Variants in TET3 observed in about 807,000 individuals in gnomAD.
TET3 encodes the protein methylcytosine dioxygenase TET3.
TET3 carries 19 observed loss-of-function variants against 141.4 expected under a neutral mutation model. That is an observed-to-expected ratio of 0.13 (90% CI 0.09 to 0.20). TET3 has a LOEUF of 0.20. TET3 is among the 10% of genes least tolerant of loss of function. The pLI is 1.00. For missense variants in TET3, 1,874 were observed against 2,356.9 expected (o/e 0.80, Z 4.24); for synonymous variants, 1,043 against 980.9 (o/e 1.06, Z -1.18).
chr2:73,992,593 C>T (rs1335629633), intron 2 of TET3, among the ~76,000 whole-genome samples: 3 of 152,102 alleles, frequency 2.0e-5, no homozygotes, highest in Non-Finnish European at 4.4e-5. Context: ...GGATTACAGG[C>T]GTGAGCCACT....
chr2:74,083,760 A>C (rs889555576), intron 6 of TET3, among the ~76,000 whole-genome samples: 2 of 152,142 alleles, frequency 1.3e-5, no homozygotes, highest in South Asian at 2.1e-4. Context: ...GCTTGTGTCT[A>C]ATGACATTGC....
At chr2:74,031,243 A>G (rs1686669768) in intron 3 of TET3, among the ~76,000 whole-genome samples, 1 of 151,946 alleles carries the variant, frequency 6.6e-6, no homozygotes, top group Non-Finnish European at 1.5e-5. Context: ...GAGGAAAAGG[A>G]GAATGGAGGA....
In TET3 at chr2:74,073,558, T is replaced by C. The variant is rs929023278; in HGVS notation, c.2504T>C (p.Val835Ala). 2.5e-6 allele frequency: 4 copies of C among 1,607,152 alleles called. No homozygotes were observed. The African/African-American group carries it at 4.0e-5, about 16-fold the overall frequency. The change falls in exon 5 of 12, where the codon GTG becomes GCG. Residue 835 changes from valine (V) to alanine (A), a missense_variant. Val to Ala is a moderately conservative substitution (Grantham distance 64, BLOSUM62 0). Around this residue, in one of 10 missense-constraint regions of TET3, gnomAD observed 83 missense variants for 107.0 expected, o/e 0.78. Transcript: ENST00000409262. ...FPTCDCVEQI[V>A]EKDEGPYYTH... ...CTCTGTGTTTCTGCAGAACAAATAG[T>C]GGAGAAAGATGAAGGTCCATATTAT...
At chr2:74,062,958 A>G (rs1048082128) in intron 4 of TET3, among the ~76,000 whole-genome samples, 19 of 141,476 alleles carry the variant, frequency 1.3e-4, no homozygotes, top group African/African-American at 4.6e-4. Context: ...ATCTCGTCTC[A>G]TTGCAACTTC....
chr2:74,070,153 G>GTAT (rs1042090140), intron 4 of TET3, among the ~76,000 whole-genome samples: 2 of 152,138 alleles, frequency 1.3e-5, no homozygotes, highest in Non-Finnish European at 2.9e-5. Context: ...AATCTTAACT[G>GTAT]TATTCTGCTG....
At chr2:74,073,095 G>C (rs749384746) in intron 4 of TET3, among the ~76,000 whole-genome samples, 1 of 152,198 alleles carries the variant, frequency 6.6e-6, no homozygotes, top group African/African-American at 2.4e-5. Flanking sequence ...TCTTCAGTTT[G>C]ATTGGGTATT....
chr2:74,021,529 A>G (rs1293015806), intron 3 of TET3, among the ~76,000 whole-genome samples: 1 of 152,214 alleles, frequency 6.6e-6, no homozygotes, highest in Admixed American at 6.5e-5. Context: ...GTCAGCCTGT[A>G]AGAACCTCAG....
At chr2:74,050,426 A>G (rs1687883322) in intron 4 of TET3, among the ~76,000 whole-genome samples, 2 of 151,936 alleles carry the variant, frequency 1.3e-5, no homozygotes, top group African/African-American at 4.8e-5. Flanking sequence ...GTAAAACCAT[A>G]CCTTGTAAAG....
At chr2:74,034,169 A>AG (rs1686901212) in intron 3 of TET3, among the ~76,000 whole-genome samples, 1 of 151,696 alleles carries the variant, frequency 6.6e-6, no homozygotes, top group African/African-American at 2.4e-5. Flanking sequence ...ATTAAAAAAA[A>AG]AAAACAACAA....
At chr2:74,127,773 G>C in the TET3 span, among the ~76,000 whole-genome samples, 4 of 151,992 alleles carry the variant, frequency 2.6e-5, no homozygotes, top group Non-Finnish European at 5.9e-5. Flanking sequence ...ACGGGAGAAG[G>C]GGTTGTGTGC....
Position 74,048,339 on chromosome 2 carries a change from A to G in TET3, c.2422A>G (p.Thr808Ala), listed in dbSNP as rs1687760523. The G allele has an allele frequency of 1.2e-6, 2 of 1,613,834 alleles. No individual in the cohort carries two copies. Among genetic ancestry groups the G allele is most frequent in the Non-Finnish European group, 1.7e-6 (2 of 1,179,852 alleles). Reference sequence around the variant, plus strand: ...GGAGTCACCTCTTAAGTACCTGGACACACCCACCAAGAGTCTGCTGGACAC... The same window carrying G: ...GGAGTCACCTCTTAAGTACCTGGACGCACCCACCAAGAGTCTGCTGGACAC... The part of the protein sequence containing the change: ...FLESPLKYLD[T>A]PTKSLLDTPA... The change falls in exon 4 of 12, where the codon ACA (threonine) becomes GCA (alanine). Residue 808 changes from threonine to alanine, a missense_variant. Thr to Ala is a moderately conservative substitution (Grantham distance 58). Transcript: ENST00000409262.
At position 74,047,635 on chromosome 2, in the gene TET3, G is replaced by T. The variant is rs780527851; in HGVS notation, c.1718G>T (p.Arg573Ile). 1 of 1,613,518 alleles carries T rather than the reference G, an allele frequency of 6.2e-7. No homozygotes were observed. Among genetic ancestry groups the T allele is most frequent in the South Asian group, 1.1e-5 (1 of 90,982 alleles). ...TCACCTGTCCCACGGCTTCCAGACA[G>T]ACCACCCAAGGAGAAGAAGAAGAAG... ...PSSPVPRLPD[R>I]PPKEKKKKLP... Residue 573 changes from arginine to isoleucine, a missense_variant, in exon 4 of 12, where the codon AGA becomes ATA. By Grantham distance (97) the Arg-to-Ile change is moderately conservative. Around this residue, in one of 10 missense-constraint regions of TET3, gnomAD observed 484 missense variants for 462.2 expected, o/e 1.05. Transcript: ENST00000409262.
At chr2:74,097,195 G>GCA (rs146612512) in intron 10 of TET3, among the ~76,000 whole-genome samples, 10,274 of 137,884 alleles carry the variant, frequency 0.075, 745 homozygotes, top group African/African-American at 0.2. Flanking sequence ...AGCCATACAT[G>GCA]CACACACACA....
intron 3 of TET3, among the ~76,000 whole-genome samples, chr2:74,019,636 A>G (rs1023623702): frequency 1.3e-5 from 2 of 152,186 alleles, no homozygotes; most frequent in Non-Finnish European, 2.9e-5. Flanking sequence ...CATCAGATTG[A>G]TGAGAGGGAC....
chr2:74,034,277 A>G (rs543103449), intron 3 of TET3, among the ~76,000 whole-genome samples: 4 of 151,264 alleles, frequency 2.6e-5, no homozygotes, highest in African/African-American at 9.7e-5. Context: ...CTTGAACCAT[A>G]CTTGACCCTA....
intron 5 of TET3, among the ~76,000 whole-genome samples, chr2:74,075,276 G>A (rs1035971560): frequency 3.3e-4 from 50 of 149,590 alleles, no homozygotes; most frequent in African/African-American, 1.0e-3. Context: ...TAGAGTTGTC[G>A]CAAATTTGGG....
chr2:74,038,840 G>GT (rs1286609793), intron 3 of TET3, among the ~76,000 whole-genome samples: 2 of 152,194 alleles, frequency 1.3e-5, no homozygotes, highest in East Asian at 1.9e-4. Flanking sequence ...GCTGTGCACG[G>GT]TAACTGTAGG....
At chr2:74,109,316 C>T (rs184598353), downstream of TET3, among the ~76,000 whole-genome samples, 849 of 152,286 alleles carry the variant, frequency 5.6e-3, 12 homozygotes, top group African/African-American at 0.019. Context: ...AATCCCACCA[C>T]GAGAGAACCG....
chr2:74,005,174 G>A (rs1471487192), intron 3 of TET3, among the ~76,000 whole-genome samples: 21 of 152,190 alleles, frequency 1.4e-4, no homozygotes, highest in Admixed American at 1.3e-3. Context: ...CCCAGATAGA[G>A]GCTGGTTTTC....
Sources: gnomAD v4.1 joint callset for allele counts (sites outside exome capture counted in the v4.1 genomes callset) on GRCh38, gnomAD v4.1.1 for gene constraint, gnomAD v4.1.1 regional missense constraint, MANE v1.5 for transcripts, NCBI Gene and HGNC (gene_info 2026-07-23, HGNC 2026-07-21) for gene names.